NAALADL2: variants seen among roughly 807,000 people sequenced by gnomAD.
The protein encoded by NAALADL2 is N-acetylated alpha-linked acidic dipeptidase like 2, also known as inactive N-acetylated-alpha-linked acidic dipeptidase-like protein 2.
In NAALADL2, 76 loss-of-function variants were observed where a neutral mutation model predicts 87.2. That is an observed-to-expected ratio of 0.87 (90% confidence interval 0.72 to 1.05). The LOEUF (loss-of-function observed/expected upper bound fraction) is 1.05. Ranked by LOEUF, NAALADL2 falls within the 50% of genes least tolerant of loss-of-function variation. The pLI, the probability that NAALADL2 is intolerant of heterozygous loss-of-function variation, is 0.00. For synonymous variants in NAALADL2, 354 were observed against 331.0 expected (o/e 1.07, Z -0.75); for missense variants, 1,089 against 945.8 (o/e 1.15, Z -1.99).
At chr3:174,756,612 T>C (rs1712113512) in intron 3 of NAALADL2, among the ~76,000 whole-genome samples, 2 of 152,234 alleles carry the variant, frequency 1.3e-5, no homozygotes. Context: ...TGCCTAAATA[T>C]ATGCAGCCTG....
intron 2 of NAALADL2, among the ~76,000 whole-genome samples, chr3:175,126,530 A>C (rs1347946163): frequency 6.6e-6 from 1 of 152,126 alleles, no homozygotes; most frequent in Non-Finnish European, 1.5e-5. Flanking sequence ...AAGATATGTT[A>C]AAGGAAAATA....
chr3:174,521,571 CAAAAAA>C lies in NAALADL2; in HGVS notation c.-183-28978_-183-28973del, dbSNP rs58465181. On this transcript the variant is annotated intron_variant, in intron 1 of 3. Transcript: ENST00000434257. ...TGGGCGACAGGGCTAGACCCTGTCTCAAAAAAAAAAAAAAAAAAAAAAAAAGAAAAG... is the reference window on the plus strand; with the variant it reads ...TGGGCGACAGGGCTAGACCCTGTCTCAAAAAAAAAAAAAAAAAAAGAAAAG... 3.2e-4 allele frequency among the ~76,000 whole-genome samples: 18 copies of C among 56,196 alleles called. No individual in the cohort carries two copies. The South Asian group carries it at 9.2e-3, about 29-fold the overall frequency. The allele number at this position is 56,196 out of a possible 152,430, so 36.9% of individuals were successfully genotyped here.
At position 174,619,109 on chromosome 3, in the gene NAALADL2, C is replaced by T. The variant is rs564315878; in HGVS notation, c.-115+68472C>T. On this transcript the variant is annotated intron_variant, in intron 2 of 3. Transcript: ENST00000434257. ...AAGCAGAAGTAAATCCTCCTAGATA[C>T]TGAAATTAGATTTATGTCAGTTTTT... Among the ~76,000 whole-genome samples the T allele has an allele frequency of 6.6e-5, 10 of 152,014 alleles. No individual in the cohort carries two copies. In the East Asian group the frequency reaches 1.9e-3, roughly 29 times the overall value.
At chr3:175,192,647 T>C (rs1738380404) in intron 2 of NAALADL2, among the ~76,000 whole-genome samples, 1 of 152,040 alleles carries the variant, frequency 6.6e-6, no homozygotes, top group African/African-American at 2.4e-5. Flanking sequence ...TGGCATGGAT[T>C]TTAATTATGA....
At chr3:175,565,999 T>G (rs1002510937) in intron 9 of NAALADL2, among the ~76,000 whole-genome samples, 19 of 151,894 alleles carry the variant, frequency 1.3e-4, no homozygotes, top group African/African-American at 3.6e-4. Flanking sequence ...CCAGCTAATT[T>G]TTGTATTTTT....
intron 12 of NAALADL2, among the ~76,000 whole-genome samples, chr3:175,740,405 G>C (rs1215039813): frequency 6.6e-6 from 1 of 152,172 alleles, no homozygotes; most frequent in African/African-American, 2.4e-5. Context: ...ATTTGAACCA[G>C]AGTGACTCCA....
chr3:175,029,565 G>A (rs189994432), intron 1 of NAALADL2, among the ~76,000 whole-genome samples: 1 of 151,974 alleles, frequency 6.6e-6, no homozygotes, highest in African/African-American at 2.4e-5. Flanking sequence ...ATGGAAAATG[G>A]CATCCCAGTT....
intron 1 of NAALADL2, among the ~76,000 whole-genome samples, chr3:174,546,172 G>C (rs2108479373): frequency 6.6e-6 from 1 of 152,094 alleles, no homozygotes; most frequent in Non-Finnish European, 1.5e-5. Flanking sequence ...TCCATTTTTA[G>C]TTATCTGGTG....
chr3:175,576,079 A>T lies in NAALADL2; in HGVS notation c.1692A>T (p.Pro564=), dbSNP rs763511745. Residue 564 remains proline, a synonymous_variant, in exon 10 of 14, where the codon CCA becomes CCT. Transcript: ENST00000454872. ...NFNCTRRAQC[P]ETNISSIQIQ... ...ACTGTACCAGAAGAGCCCAGTGCCCAGAAACCAATATCAGTTCTATACAGA... is the reference window on the plus strand; with the variant it reads ...ACTGTACCAGAAGAGCCCAGTGCCCTGAAACCAATATCAGTTCTATACAGA... The T allele has an allele frequency of 1.2e-6, 2 of 1,613,284 alleles. No homozygotes were observed. Among genetic ancestry groups the T allele is most frequent in the Non-Finnish European group, 1.7e-6 (2 of 1,179,498 alleles).
At chr3:175,480,414 T>C (rs1022420194) in intron 9 of NAALADL2, among the ~76,000 whole-genome samples, 9 of 151,856 alleles carry the variant, frequency 5.9e-5, no homozygotes, top group African/African-American at 1.4e-4. Flanking sequence ...CTGTAATCAA[T>C]GGTAACTCCA....
At chr3:175,627,977 A>G (rs896674525) in intron 11 of NAALADL2, among the ~76,000 whole-genome samples, 10 of 151,712 alleles carry the variant, frequency 6.6e-5, no homozygotes, top group Non-Finnish European at 1.2e-4. Flanking sequence ...AAAAAAGGCT[A>G]CTTTTTAAAA....
At chr3:174,673,127 G>A (rs1726727845) in intron 2 of NAALADL2, among the ~76,000 whole-genome samples, 1 of 151,982 alleles carries the variant, frequency 6.6e-6, no homozygotes, top group Admixed American at 6.6e-5. Flanking sequence ...TGAGAATTAG[G>A]CCAATGGAAT....
At chr3:174,793,315 A>G (rs996276800) in intron 3 of NAALADL2, among the ~76,000 whole-genome samples, 1 of 152,192 alleles carries the variant, frequency 6.6e-6, no homozygotes, top group African/African-American at 2.4e-5. Flanking sequence ...TAACAATACA[A>G]GTCAGCTAGC....
intron 2 of NAALADL2, among the ~76,000 whole-genome samples, chr3:175,143,220 A>G (rs1031930532): frequency 1.2e-4 from 18 of 151,942 alleles, no homozygotes; most frequent in African/African-American, 4.1e-4. Flanking sequence ...ATAGTATCTA[A>G]TAGTGTCCAT....
chr3:175,014,664 C>T (rs539026375), intron 1 of NAALADL2, among the ~76,000 whole-genome samples: 3 of 152,176 alleles, frequency 2.0e-5, no homozygotes, highest in East Asian at 3.9e-4. Context: ...TCACCTGAAA[C>T]TCCTTCTATT....
intron 2 of NAALADL2, among the ~76,000 whole-genome samples, chr3:174,573,203 C>T (rs905165175): frequency 2.0e-5 from 3 of 152,168 alleles, no homozygotes; most frequent in South Asian, 4.1e-4. Flanking sequence ...AAATGTCTCA[C>T]AGCTGGCAGT....
At chr3:175,732,921 G>C (rs973300987) in intron 11 of NAALADL2, among the ~76,000 whole-genome samples, 1 of 151,832 alleles carries the variant, frequency 6.6e-6, no homozygotes, top group African/African-American at 2.4e-5. Flanking sequence ...GGTGGTGGGA[G>C]GGGAGAGCAT....
chr3:175,184,724 A>G (rs1737076001), intron 2 of NAALADL2, among the ~76,000 whole-genome samples: 1 of 152,096 alleles, frequency 6.6e-6, no homozygotes, highest in East Asian at 1.9e-4. Context: ...GCTTTGGAGC[A>G]TTACTAATTT....
At chr3:175,721,586 A>G (rs1210239613) in intron 11 of NAALADL2, among the ~76,000 whole-genome samples, 1 of 152,080 alleles carries the variant, frequency 6.6e-6, no homozygotes, top group African/African-American at 2.4e-5. Context: ...TTTAAAATGA[A>G]TAATTAGGAA....
Sources: gnomAD v4.1 joint callset for allele counts (sites outside exome capture counted in the v4.1 genomes callset) on GRCh38, gnomAD v4.1.1 for gene constraint, MANE v1.5 for transcripts, NCBI Gene and HGNC (gene_info 2026-07-23, HGNC 2026-07-21) for gene names.